The following SLC14A2 variants were observed in gnomAD, a reference collection of about 807,000 sequenced individuals.
SLC14A2 encodes the protein urea transporter 2.
Under a neutral mutation model 104.6 loss-of-function variants are expected in SLC14A2, and 91 were observed. The observed-to-expected ratio is 0.87, with a 90% CI of 0.73 to 1.04. SLC14A2 has a LOEUF of 1.04. SLC14A2 is among the 50% of genes least tolerant of loss of function. SLC14A2 has a pLI of 0.00. For missense variants in SLC14A2, 1,189 were observed against 1,156.0 expected (o/e 1.03, Z -0.41); for synonymous variants, 476 against 466.4 (o/e 1.02, Z -0.27).
intron 2 of SLC14A2, among the ~76,000 whole-genome samples, chr18:45,553,439 T>C (rs1218783550): frequency 6.6e-6 from 1 of 152,092 alleles, no homozygotes; most frequent in Non-Finnish European, 1.5e-5. Context: ...GCAATAGTGT[T>C]GATGGGTGAG....
intron 10 of SLC14A2, among the ~76,000 whole-genome samples, chr18:45,653,101 A>G (rs1254053512): frequency 6.6e-6 from 1 of 151,996 alleles, no homozygotes; most frequent in African/African-American, 2.4e-5. Context: ...GAGCCAACAG[A>G]CCAGCCAGCA....
chr18:45,272,039 A>C (rs1004813333), intron 1 of SLC14A2, among the ~76,000 whole-genome samples: 4 of 152,128 alleles, frequency 2.6e-5, no homozygotes, highest in Admixed American at 6.6e-5. Flanking sequence ...CCAAAAACAT[A>C]CACTAGGGAA....
intron 1 of SLC14A2, among the ~76,000 whole-genome samples, chr18:45,307,935 G>T (rs965076122): frequency 6.6e-6 from 1 of 152,210 alleles, no homozygotes; most frequent in Non-Finnish European, 1.5e-5. Context: ...TGCTTCTGGT[G>T]AGGACCTCAG....
chr18:45,460,004 A>C (rs1313140941), intron 1 of SLC14A2, among the ~76,000 whole-genome samples: 1 of 152,182 alleles, frequency 6.6e-6, no homozygotes, highest in Non-Finnish European at 1.5e-5. Flanking sequence ...ATCCAGGTCC[A>C]ATCTTTTTGG....
At chr18:45,678,950 C>CTTTT in intron 18 of SLC14A2, 25 bp from the exon 19 acceptor site, 2 of 1,395,676 alleles carry the variant, frequency 1.4e-6, no homozygotes, top group South Asian at 1.3e-5. Flanking sequence ...TGGTCTATTT[C>CTTTT]TTTCTTTTTT....
chr18:45,573,782 T>C (rs1358512359), intron 2 of SLC14A2, among the ~76,000 whole-genome samples: 1 of 152,182 alleles, frequency 6.6e-6, no homozygotes, highest in Non-Finnish European at 1.5e-5. Flanking sequence ...TGTAGGCCAA[T>C]GAGTAAAATG....
At chr18:45,411,665 A>G (rs141476077) in intron 1 of SLC14A2, among the ~76,000 whole-genome samples, 11 of 152,330 alleles carry the variant, frequency 7.2e-5, no homozygotes, top group African/African-American at 1.9e-4. Flanking sequence ...CAATTACCAC[A>G]TGTGTAGTGA....
intron 2 of SLC14A2, among the ~76,000 whole-genome samples, chr18:45,531,462 A>C (rs913683689): frequency 6.6e-6 from 1 of 152,036 alleles, no homozygotes. Flanking sequence ...GATGATGAAC[A>C]TTTTTTCATG....
chr18:45,597,722 T>G (rs1360372570), intron 2 of SLC14A2, among the ~76,000 whole-genome samples: 3 of 152,088 alleles, frequency 2.0e-5, no homozygotes, highest in Non-Finnish European at 4.4e-5. Flanking sequence ...TAGGCTGCTG[T>G]GTGGAAAATG....
intron 5 of SLC14A2, among the ~76,000 whole-genome samples, 194 bp from the exon 6 acceptor site, chr18:45,636,796 A>G (rs1363498912): frequency 1.3e-5 from 2 of 151,996 alleles, no homozygotes; most frequent in Admixed American, 6.5e-5. Context: ...AAAAAAAAAG[A>G]AAAAGGTAAG....
chr18:45,242,251 C>T (rs547333443), intron 1 of SLC14A2, among the ~76,000 whole-genome samples: 15 of 152,236 alleles, frequency 9.9e-5, no homozygotes, highest in Admixed American at 5.2e-4. Flanking sequence ...GCTGGGCACT[C>T]TCTTTATGGC....
At chr18:45,481,282 A>G (rs768063171) in intron 1 of SLC14A2, among the ~76,000 whole-genome samples, 4 of 151,558 alleles carry the variant, frequency 2.6e-5, no homozygotes, top group African/African-American at 9.7e-5. Flanking sequence ...CTGTTATTTC[A>G]TTTATGGCAA....
At chr18:45,290,042 T>C (rs2144163833) in intron 1 of SLC14A2, among the ~76,000 whole-genome samples, 1 of 152,334 alleles carries the variant, frequency 6.6e-6, no homozygotes, top group East Asian at 1.9e-4. Context: ...TGGCTCATCT[T>C]CCCTCTCTCA....
chr18:45,329,443 C>A (rs1247045746), intron 1 of SLC14A2, among the ~76,000 whole-genome samples: 1 of 152,140 alleles, frequency 6.6e-6, no homozygotes, highest in Non-Finnish European at 1.5e-5. Context: ...GACTACAACA[C>A]CCTCTACAAA....
the SLC14A2 span, among the ~76,000 whole-genome samples, chr18:45,169,491 C>A: frequency 0.18 from 27,162 of 152,172 alleles, 2,824 homozygotes; most frequent in Middle Eastern, 0.27. Flanking sequence ...GTTGCTTCCA[C>A]TGGTGTTACC....
At chr18:45,389,913 C>T (rs917600732) in intron 1 of SLC14A2, among the ~76,000 whole-genome samples, 11 of 152,190 alleles carry the variant, frequency 7.2e-5, no homozygotes, top group East Asian at 5.8e-4. Flanking sequence ...AACTGTAGCA[C>T]GTAAAAGTCC....
At chr18:45,521,539 T>G (rs2043517371) in intron 2 of SLC14A2, among the ~76,000 whole-genome samples, 1 of 152,138 alleles carries the variant, frequency 6.6e-6, no homozygotes. Context: ...GACATTTAGA[T>G]ATGAGGTATA....
chr18:45,231,165 G>T (rs2084170745), intron 1 of SLC14A2, among the ~76,000 whole-genome samples: 2 of 152,038 alleles, frequency 1.3e-5, no homozygotes, highest in African/African-American at 2.4e-5. Context: ...AGAGGCAAAA[G>T]CTGAAATATT....
At chr18:45,195,551 C>T in the SLC14A2 span, among the ~76,000 whole-genome samples, 2 of 152,046 alleles carry the variant, frequency 1.3e-5, no homozygotes, top group African/African-American at 2.4e-5. Context: ...GCTACCATGC[C>T]CAGCTAATTT....
Sources: allele counts gnomAD v4.1 joint callset (sites outside exome capture counted in the v4.1 genomes callset), GRCh38; gene constraint gnomAD v4.1.1; transcripts MANE v1.5; gene names NCBI Gene and HGNC (gene_info 2026-07-23, HGNC 2026-07-21).